The following SULF1 variants were observed in gnomAD, a reference collection of about 807,000 sequenced individuals.
SULF1 encodes sulfatase 1.
SULF1 carries 46 observed loss-of-function variants against 110.5 expected under a neutral mutation model. The ratio of observed to expected loss-of-function variants is 0.42; its 90% CI spans 0.33 to 0.53. The LOEUF (loss-of-function observed/expected upper bound fraction) is 0.53, where lower values mean the gene tolerates loss of function less well. Ranked by LOEUF, SULF1 falls within the 20% of genes least tolerant of loss-of-function variation. The pLI is 0.12. For missense variants in SULF1, 941 were observed against 1,094.2 expected (o/e 0.86, Z 1.98); for synonymous variants, 371 against 387.1 (o/e 0.96, Z 0.49).
At chr8:69,570,153 C>A (rs1315106694) in intron 5 of SULF1, among the ~76,000 whole-genome samples, 2 of 152,154 alleles carry the variant, frequency 1.3e-5, no homozygotes, top group African/African-American at 4.8e-5. Context: ...ACAAACACCC[C>A]TCCACAATCA....
intron 1 of SULF1, among the ~76,000 whole-genome samples, chr8:69,486,908 C>A (rs989325115): frequency 1.3e-5 from 2 of 152,182 alleles, no homozygotes; most frequent in South Asian, 2.1e-4. Context: ...GCAAGGCATG[C>A]GCGCACTTAC....
intron 13 of SULF1, among the ~76,000 whole-genome samples, chr8:69,615,320 T>C (rs1368551432): frequency 1.3e-5 from 2 of 152,242 alleles, no homozygotes; most frequent in Non-Finnish European, 1.5e-5. Flanking sequence ...ACCACTTTAG[T>C]TGTAGCTATT....
intron 19 of SULF1, 29 bp downstream of exon 19, chr8:69,629,708 C>T (rs764962474): frequency 1.3e-5 from 20 of 1,565,736 alleles, no homozygotes; most frequent in Non-Finnish European, 1.6e-5. Context: ...ATGCCACTTC[C>T]TGCCGCCATG....
At chr8:69,637,373 T>G (rs146048626) in intron 19 of SULF1, among the ~76,000 whole-genome samples, 2 of 152,354 alleles carry the variant, frequency 1.3e-5, no homozygotes, top group African/African-American at 4.8e-5. Context: ...GGCCAAATGC[T>G]TTGTTAATGT....
At chr8:69,524,417 G>A (rs1812525207) in intron 3 of SULF1, among the ~76,000 whole-genome samples, 1 of 152,092 alleles carries the variant, frequency 6.6e-6, no homozygotes, top group Non-Finnish European at 1.5e-5. Context: ...GGTGAGAGAG[G>A]AAGCAAGAGA....
At chr8:69,499,760 TA>T (rs780375595) in intron 2 of SULF1, among the ~76,000 whole-genome samples, 13 of 152,220 alleles carry the variant, frequency 8.5e-5, no homozygotes, top group Non-Finnish European at 1.8e-4. Context: ...TATTATTATT[TA>T]TTTTTTTAAA....
chr8:69,516,561 G>A (rs894654757), intron 3 of SULF1, among the ~76,000 whole-genome samples: 2 of 152,184 alleles, frequency 1.3e-5, no homozygotes, highest in African/African-American at 2.4e-5. Flanking sequence ...ATACCTCTTG[G>A]ATGAGAATTG....
intron 5 of SULF1, among the ~76,000 whole-genome samples, chr8:69,571,687 G>T (rs577158318): frequency 6.6e-6 from 1 of 152,258 alleles, no homozygotes; most frequent in Non-Finnish European, 1.5e-5. Context: ...GACAGACATT[G>T]TCCTGTCCAC....
At position 69,541,725 on chromosome 8, in the gene SULF1, G is replaced by A. The variant is rs1813870691; in HGVS notation, c.-133-21814G>A. ...AGAATGTCTTTGTTTTCAAATATTT[G>A]TTAGGGACAGGAAGCCATTAAATAA... On this transcript the variant is annotated intron_variant, in intron 3 of 22. Coordinates refer to ENST00000402687, the MANE Select transcript of SULF1 (RefSeq NM_001128205.2). 1.3e-5 allele frequency among the ~76,000 whole-genome samples: 2 copies of A among 152,178 alleles called. 1 individual carries two copies. Among genetic ancestry groups the A allele is most frequent in the South Asian group, 4.1e-4 (2 of 4,826 alleles).
chr8:69,588,382 C>G (rs1806622010), intron 7 of SULF1, among the ~76,000 whole-genome samples: 2 of 152,186 alleles, frequency 1.3e-5, no homozygotes, highest in African/African-American at 4.8e-5. Context: ...TGCAGCTTTT[C>G]CCTGTGCTCC....
chr8:69,610,563 G>C (rs1433839355), intron 13 of SULF1, among the ~76,000 whole-genome samples: 1 of 152,148 alleles, frequency 6.6e-6, no homozygotes, highest in African/African-American at 2.4e-5. Flanking sequence ...CTCTGTGCAT[G>C]GGTCCATTGT....
At chr8:69,616,900 A>G (rs1809194291) in intron 13 of SULF1, among the ~76,000 whole-genome samples, 1 of 151,750 alleles carries the variant, frequency 6.6e-6, no homozygotes. Flanking sequence ...AAGATGGAGC[A>G]CCTCTTACGC....
At chr8:69,518,027 T>A (rs550105583) in intron 3 of SULF1, among the ~76,000 whole-genome samples, 77 of 152,242 alleles carry the variant, frequency 5.1e-4, no homozygotes, top group Non-Finnish European at 7.6e-4. Flanking sequence ...TTCAGTTAGT[T>A]GAACTTTTTG....
At chr8:69,652,773 T>C (rs556303765) in intron 22 of SULF1, among the ~76,000 whole-genome samples, 1 of 152,360 alleles carries the variant, frequency 6.6e-6, no homozygotes, top group South Asian at 2.1e-4. Flanking sequence ...AGGCAAACAC[T>C]GAGCTGTAAC....
chr8:69,500,015 G>T (rs1453293482), intron 2 of SULF1, among the ~76,000 whole-genome samples: 1 of 152,138 alleles, frequency 6.6e-6, no homozygotes, highest in African/African-American at 2.4e-5. Flanking sequence ...GCCTCCCAAA[G>T]TGCTGGGATT....
chr8:69,493,302 GATA>G (rs904911267), intron 1 of SULF1, among the ~76,000 whole-genome samples, 177 bp downstream of exon 1: 6 of 152,054 alleles, frequency 3.9e-5, no homozygotes, highest in Non-Finnish European at 7.4e-5. Context: ...CCCTTGTAAT[GATA>G]ATAAGAGGGG....
At chr8:69,505,995 T>G (rs1179290854) in intron 3 of SULF1, among the ~76,000 whole-genome samples, 6 of 152,126 alleles carry the variant, frequency 3.9e-5, no homozygotes, top group Non-Finnish European at 7.4e-5. Context: ...ATTTAACTAT[T>G]GTTGGCCTAC....
chr8:69,570,039 AT>A (rs1307404806), intron 5 of SULF1, among the ~76,000 whole-genome samples: 1 of 152,226 alleles, frequency 6.6e-6, no homozygotes, highest in Non-Finnish European at 1.5e-5. Flanking sequence ...ATACTTTACT[AT>A]GAAAATAACT....
upstream of SULF1, chr8:69,492,674 T>C (rs1237380461): frequency 1.3e-5 from 2 of 152,290 alleles, no homozygotes; most frequent in Non-Finnish European, 2.9e-5. Context: ...GCCCTTTTTT[T>C]TCCCCCAGTC....
Sources: allele counts gnomAD v4.1 joint callset (sites outside exome capture counted in the v4.1 genomes callset), GRCh38; gene constraint gnomAD v4.1.1; transcripts MANE v1.5; gene names NCBI Gene and HGNC (gene_info 2026-07-23, HGNC 2026-07-21).